The following SYTL5 variants were observed in gnomAD, a reference collection of about 807,000 sequenced individuals.
SYTL5 encodes synaptotagmin-like protein 5.
SYTL5 carries 34 observed loss-of-function variants against 55.9 expected under a neutral mutation model. The observed-to-expected ratio is 0.61, with a 90% CI of 0.46 to 0.81. SYTL5 has a LOEUF of 0.81. SYTL5 is among the 30% of genes least tolerant of loss of function. The pLI, the probability that SYTL5 is intolerant of heterozygous loss-of-function variation, is 0.00. For missense variants in SYTL5, 637 were observed against 546.7 expected, an observed-to-expected ratio of 1.17 and a Z score of -1.65; for synonymous variants, 221 against 188.7, an observed-to-expected ratio of 1.17 and a Z score of -1.40.
the SYTL5 span, among the ~76,000 whole-genome samples, chrX:37,896,545 G>T: frequency 9.0e-6 from 1 of 111,511 alleles, no homozygotes; most frequent in Non-Finnish European, 1.9e-5. Context: ...GTGCTGGTTC[G>T]CTGGGGCTTA....
intron 13 of SYTL5, among the ~76,000 whole-genome samples, chrX:38,116,508 A>T (rs1470101900): frequency 8.9e-6 from 1 of 112,619 alleles, no homozygotes. Context: ...TCATCAGAAG[A>T]TTCTAATTTG....
the SYTL5 span, among the ~76,000 whole-genome samples, chrX:37,922,060 T>G: frequency 2.7e-5 from 3 of 112,365 alleles, no homozygotes; most frequent in Non-Finnish European, 5.6e-5. Flanking sequence ...TGTGGTTTTA[T>G]AGCTGAGACA....
At chrX:37,941,571 G>A in the SYTL5 span, among the ~76,000 whole-genome samples, 1 of 111,586 alleles carries the variant, frequency 9.0e-6, no homozygotes, top group Admixed American at 9.5e-5. Context: ...AAAGAGGCAA[G>A]CTCTCCTTGT....
chrX:37,918,808 C>T, the SYTL5 span, among the ~76,000 whole-genome samples: 1 of 111,174 alleles, frequency 9.0e-6, no homozygotes, highest in Non-Finnish European at 1.9e-5. Context: ...ATGCCTTGAA[C>T]TCACTGCTTG....
the SYTL5 span, among the ~76,000 whole-genome samples, chrX:37,990,017 C>T: frequency 6.4e-5 from 7 of 110,183 alleles, no homozygotes; most frequent in Non-Finnish European, 1.1e-4. Flanking sequence ...GGACTACAGG[C>T]GCCCGCCACC....
chrX:38,063,704 C>A (rs1044699578), intron 3 of SYTL5, among the ~76,000 whole-genome samples: 11 of 112,197 alleles, frequency 9.8e-5, no homozygotes, highest in African/African-American at 3.2e-4. Flanking sequence ...TTTATCTCAA[C>A]AACATGTTTG....
chrX:38,027,494 GACA>G (rs761643166), intron 1 of SYTL5, among the ~76,000 whole-genome samples: 5 of 111,566 alleles, frequency 4.5e-5, no homozygotes, highest in South Asian at 7.6e-4. Flanking sequence ...GGAAAAAAAC[GACA>G]ACAACAACAA....
the SYTL5 span, among the ~76,000 whole-genome samples, chrX:37,895,484 C>T: frequency 1.3e-5 from 1 of 77,240 alleles, no homozygotes; most frequent in Admixed American, 1.3e-4. Flanking sequence ...CTCTCTCTCT[C>T]TTTTTTTCTT....
the SYTL5 span, among the ~76,000 whole-genome samples, chrX:37,985,043 T>C: frequency 6.1e-3 from 682 of 112,244 alleles, 8 homozygotes; most frequent in African/African-American, 0.021. Context: ...AAAGACTGAA[T>C]GTTTTTCCCC....
chrX:38,064,790 AC>A (rs748990230), intron 3 of SYTL5, among the ~76,000 whole-genome samples: 1 of 111,064 alleles, frequency 9.0e-6, no homozygotes, highest in Non-Finnish European at 1.9e-5. Flanking sequence ...TACTTGTTAT[AC>A]TTATATGCTA....
chrX:37,981,793 A>G, the SYTL5 span, among the ~76,000 whole-genome samples: 1 of 111,459 alleles, frequency 9.0e-6, no homozygotes, highest in Non-Finnish European at 1.9e-5. Flanking sequence ...ATGTCATCCC[A>G]GGGTAACTAT....
At position 38,106,696 on chromosome X, in the gene SYTL5, C is replaced by T; in HGVS notation, c.1259C>T (p.Thr420Ile). 2 of 1,208,909 alleles carry T rather than the reference C, an allele frequency of 1.7e-6. No individual in the cohort carries two copies. The highest frequency in any genetic ancestry group is 2.2e-6 in the Non-Finnish European group (2 of 894,422). Reference sequence around the variant, plus strand: ...CTCCATATCAGCTACTGCTACAAAACTGGTGGGCTGTACATTTTTGTCAAG... The same window carrying T: ...CTCCATATCAGCTACTGCTACAAAATTGGTGGGCTGTACATTTTTGTCAAG... Reference protein sequence around the residue: ...ILLHISYCYKTGGLYIFVKNC... With the variant: ...ILLHISYCYKIGGLYIFVKNC... Residue 420 changes from threonine (T) to isoleucine (I), a missense_variant, in exon 11 of 17, where the codon ACT becomes ATT. Physicochemically the swap from Thr to Ile is moderately conservative, Grantham distance 89 (BLOSUM62 -1). Transcript: ENST00000297875.
At chrX:38,023,236 C>T (rs1727056967) in intron 1 of SYTL5, among the ~76,000 whole-genome samples, 1 of 112,160 alleles carries the variant, frequency 8.9e-6, no homozygotes, top group Non-Finnish European at 1.9e-5. Flanking sequence ...CATTCTCCAT[C>T]TTCCCTATTG....
intron 1 of SYTL5, among the ~76,000 whole-genome samples, chrX:38,024,352 C>T (rs1934679725): frequency 9.0e-6 from 1 of 111,226 alleles, no homozygotes; most frequent in Non-Finnish European, 1.9e-5. Flanking sequence ...TTTGTTCCTC[C>T]TTTGCCTTCC....
the SYTL5 span, among the ~76,000 whole-genome samples, chrX:37,961,847 A>G: frequency 8.9e-6 from 1 of 111,935 alleles, no homozygotes; most frequent in African/African-American, 3.2e-5. Context: ...TCTTAAGAGT[A>G]ACACTTTAAC....
chrX:38,041,594 C>T (rs1489519064), intron 2 of SYTL5, among the ~76,000 whole-genome samples: 1 of 112,218 alleles, frequency 8.9e-6, no homozygotes, highest in African/African-American at 3.2e-5. Context: ...CAAAAATATT[C>T]AGATCTGCCT....
intron 13 of SYTL5, among the ~76,000 whole-genome samples, chrX:38,118,803 G>A (rs1056873418): frequency 2.8e-5 from 3 of 108,903 alleles, no homozygotes; most frequent in African/African-American, 1.0e-4. Flanking sequence ...CATCCAGGCT[G>A]GAGTACTGTG....
the SYTL5 span, among the ~76,000 whole-genome samples, chrX:37,917,565 T>C: frequency 4.5e-5 from 5 of 112,082 alleles, no homozygotes; most frequent in Non-Finnish European, 9.4e-5. Context: ...TCTCTTTCCA[T>C]TTCCTTATCT....
chrX:38,049,331 G>A (rs951954578), intron 2 of SYTL5, among the ~76,000 whole-genome samples: 2 of 111,717 alleles, frequency 1.8e-5, no homozygotes, highest in African/African-American at 6.5e-5. Context: ...TGGGAAATAG[G>A]TTTGGCTGCG....
Sources: allele counts gnomAD v4.1 joint callset (sites outside exome capture counted in the v4.1 genomes callset), GRCh38; gene constraint gnomAD v4.1.1; transcripts MANE v1.5; gene names NCBI Gene and HGNC (gene_info 2026-07-23, HGNC 2026-07-21).